CACNA1I: variants seen among roughly 807,000 people sequenced by gnomAD.
The protein encoded by CACNA1I is voltage-dependent T-type calcium channel subunit alpha-1I.
Under a neutral mutation model 201.6 loss-of-function variants are expected in CACNA1I, and 74 were observed. The observed-to-expected ratio is 0.37, with a 90% confidence interval of 0.30 to 0.45. The LOEUF is 0.45. Ranked by LOEUF, CACNA1I falls within the 20% of genes least tolerant of loss-of-function variation. The pLI is 1.00. For synonymous variants in CACNA1I, 1,431 were observed against 1,345.2 expected (o/e 1.06, Z -1.40); for missense variants, 2,346 against 3,138.1 (o/e 0.75, Z 6.03).
At chr22:39,583,313 C>T (rs1932640439) in intron 1 of CACNA1I, among the ~76,000 whole-genome samples, 1 of 151,892 alleles carries the variant, frequency 6.6e-6, no homozygotes, top group African/African-American at 2.4e-5. Flanking sequence ...TTCAACCAAC[C>T]ATACATTCAT....
rs1214875842 is a variant in CACNA1I, at chr22:39,670,172, T to G, written c.4329T>G (p.Ala1443=). 1 of 1,613,994 alleles carries G rather than the reference T, an allele frequency of 6.2e-7. No homozygotes were observed. The highest frequency in any genetic ancestry group is 2.2e-5 in the East Asian group (1 of 44,894). ...NFHKCRQHQE[A]EEARRREEKR... ...ACAAGTGCCGGCAGCACCAGGAGGC[T>G]GAAGAGGCACGGCGGCGTGAGGAGA... The change falls in exon 25 of 37, where the codon GCT becomes GCG. Residue 1443 remains alanine (A), a synonymous_variant. Coordinates refer to ENST00000402142, the MANE Select transcript of CACNA1I (RefSeq NM_021096.4).
chr22:39,663,697 G>GCCGC, intron 18 of CACNA1I, 21 bp from the exon 19 acceptor site: 342 of 1,591,966 alleles, frequency 2.1e-4, no homozygotes, highest in Non-Finnish European at 2.7e-4. Flanking sequence ...CGCTCAGGCA[G>GCCGC]CCCCCGCCCA....
At position 39,629,093 on chromosome 22, in the gene CACNA1I, A is replaced by C. The variant is rs1933979136; in HGVS notation, c.581-5472A>C. On this transcript the variant is annotated intron_variant, in intron 4 of 36. Transcript: ENST00000402142. This position sits in a 1 kb window ranked among gnomAD's most constrained non-coding sequence, Gnocchi z 4.8. ...CCAGGTTCTCTCAAGCAGAGGCTCT[A>C]GCCTAGGGGTCCCCAAAAAGGGTGA... 6.6e-6 allele frequency among the ~76,000 whole-genome samples: 1 copy of C among 152,066 alleles called. No individual in the cohort carries two copies. The highest frequency in any genetic ancestry group is 1.5e-5 in the Non-Finnish European group (1 of 67,974).
At chr22:39,624,617 C>T (rs1035544040) in intron 4 of CACNA1I, among the ~76,000 whole-genome samples, 10 of 152,178 alleles carry the variant, frequency 6.6e-5, no homozygotes, top group African/African-American at 2.2e-4. Context: ...TACTCACAGG[C>T]GATTCTGCGG....
At position 39,686,328 on chromosome 22, in the gene CACNA1I, G is replaced by C; in HGVS notation, c.6595G>C (p.Gly2199Arg). The change falls in exon 37 of 37, where the codon GGC becomes CGC. Residue 2199 changes from glycine to arginine, a missense_variant. Physicochemically the swap from Gly to Arg is moderately radical, Grantham distance 125. Around this residue, in one of 13 missense-constraint regions of CACNA1I, gnomAD observed 187 missense variants for 151.0 expected, o/e 1.24. Transcript: ENST00000402142. ...CCGGGCACCGCTGCCCATGGGCCTGGGCCCCTTGGCGCCCCCGCCGCAACC... is the reference window on the plus strand; with the variant it reads ...CCGGGCACCGCTGCCCATGGGCCTGCGCCCCTTGGCGCCCCCGCCGCAACC... ...PGRAPLPMGL[G>R]PLAPPPQPLP... The C allele has an allele frequency of 7.6e-7, 1 of 1,313,906 alleles. No homozygotes were observed. Among genetic ancestry groups the C allele is most frequent in the Non-Finnish European group, 9.7e-7 (1 of 1,029,884 alleles). 81.4% of individuals were successfully genotyped at this position (1,313,906 alleles called of 1,614,324 possible). A position where few individuals can be genotyped will look rare whatever the true frequency, so the allele number is the denominator to read the frequency against.
chr22:39,623,132 G>A lies in CACNA1I; in HGVS notation c.580+3725G>A, dbSNP rs373645232. ...GGGACGGGACACGGGCGGAGGCCTC[G>A]CTCTTGCCAGGCGGGCTTCTCTACA... On this transcript the variant is annotated intron_variant, in intron 4 of 36. Transcript: ENST00000402142. Among the ~76,000 whole-genome samples, 10 of 152,312 alleles carry A rather than the reference G, an allele frequency of 6.6e-5. No individual in the cohort carries two copies. The East Asian group carries it at 9.6e-4, about 15-fold the overall frequency.
intron 1 of CACNA1I, among the ~76,000 whole-genome samples, chr22:39,589,062 G>A (rs1601798072): frequency 6.6e-6 from 1 of 152,248 alleles, no homozygotes; most frequent in East Asian, 1.9e-4. Context: ...GGGTGTTTTA[G>A]CTGCATTCCT....
At position 39,649,400 on chromosome 22, in the gene CACNA1I, G is replaced by T; in HGVS notation, c.1568-101G>T. On this transcript the variant is annotated intron_variant, in intron 9 of 36. Coordinates refer to ENST00000402142, the MANE Select transcript of CACNA1I (RefSeq NM_021096.4). This position sits in a 1 kb window ranked among gnomAD's most constrained non-coding sequence, Gnocchi z 7.3. ...AGGCTGGGTCGGCTGGTTCCAGGCA[G>T]ACCTGTGGGCCTGGGAGCCAAGCGC... is the stretch of plus-strand genomic sequence containing the variant. The T allele has an allele frequency of 7.9e-7, 1 of 1,259,494 alleles. No individual in the cohort carries two copies. The highest frequency in any genetic ancestry group is 1.6e-5 in the South Asian group (1 of 62,852). The allele number at this position is 1,259,494 out of a possible 1,614,324, so 78.0% of individuals were successfully genotyped here.
Position 39,665,685 on chromosome 22 carries a change from G to C in CACNA1I, c.3978+61G>C, listed in dbSNP as rs1015287970. ...TGTGACTGGGGAAAAGGAAGTCTCA[G>C]ACAGCCAGGGGAGAGACTCCACATT... On this transcript the variant is annotated intron_variant, in intron 22 of 36. Transcript: ENST00000402142. The surrounding 1 kb of genome is among the most constrained non-coding windows in gnomAD (Gnocchi z 5.5). 3.1e-6 allele frequency: 5 copies of C among 1,590,730 alleles called. No individual in the cohort carries two copies. In the African/African-American group the frequency reaches 6.7e-5, roughly 21 times the overall value.
Position 39,665,802 on chromosome 22 carries a change from A to G in CACNA1I, c.3979-79A>G. 6.3e-7 allele frequency: 1 copy of G among 1,593,442 alleles called. No homozygotes were observed. ...TGACTGAGCACAAGACAGTCTGAGTAAACGCGATCGAGAGGCGAGTTCCTC... is the reference window on the plus strand; with the variant it reads ...TGACTGAGCACAAGACAGTCTGAGTGAACGCGATCGAGAGGCGAGTTCCTC... On this transcript the variant is annotated intron_variant, in intron 22 of 36. Coordinates refer to ENST00000402142, the MANE Select transcript of CACNA1I (RefSeq NM_021096.4). The surrounding 1 kb of genome is among the most constrained non-coding windows in gnomAD (Gnocchi z 5.5).
At position 39,684,682 on chromosome 22, in the gene CACNA1I, C is replaced by T. The variant is rs374870355; in HGVS notation, c.6027+184C>T. The T allele has an allele frequency of 8.8e-5, 37 of 420,594 alleles. No individual in the cohort carries two copies. The Middle Eastern group carries it at 2.2e-3, about 25-fold the overall frequency. 26.1% of individuals were successfully genotyped at this position (420,594 alleles called of 1,614,324 possible). ...ACTGGAGGGGGAGGTGGCACTGGGG[C>T]GGATGGAGTGGGCGGGGCTGGGTCC... is the stretch of plus-strand genomic sequence containing the variant. On this transcript the variant is annotated intron_variant, in intron 36 of 36. Coordinates refer to ENST00000402142, the MANE Select transcript of CACNA1I (RefSeq NM_021096.4). The surrounding 1 kb of genome is among the most constrained non-coding windows in gnomAD (Gnocchi z 4.6).
chr22:39,645,700 T>C (rs992007742), intron 7 of CACNA1I, among the ~76,000 whole-genome samples: 6 of 152,312 alleles, frequency 3.9e-5, no homozygotes, highest in East Asian at 3.9e-4. Context: ...GAAAGCTATC[T>C]GCTCAGGCTG....
intron 4 of CACNA1I, among the ~76,000 whole-genome samples, 159 bp downstream of exon 4, chr22:39,619,566 T>G (rs886470219): frequency 2.7e-5 from 4 of 150,230 alleles, no homozygotes; most frequent in Non-Finnish European, 5.9e-5. Flanking sequence ...GCGGTGTCTA[T>G]CTAGACAGAT....
At chr22:39,633,866 G>A (rs1447064628) in intron 4 of CACNA1I, among the ~76,000 whole-genome samples, 1 of 152,244 alleles carries the variant, frequency 6.6e-6, no homozygotes, top group Admixed American at 6.5e-5. Context: ...CTCTTCTGAA[G>A]TTGGCTCTGG....
intron 29 of CACNA1I, among the ~76,000 whole-genome samples, chr22:39,674,571 C>G (rs1351531102): frequency 6.6e-6 from 1 of 152,126 alleles, no homozygotes; most frequent in African/African-American, 2.4e-5. Flanking sequence ...TTGCTCTACC[C>G]GCACCCTGCG....
At chr22:39,640,493 A>G (rs1004195201) in intron 5 of CACNA1I, among the ~76,000 whole-genome samples, 3 of 152,198 alleles carry the variant, frequency 2.0e-5, no homozygotes, top group African/African-American at 7.2e-5. Flanking sequence ...GTCATCTGCT[A>G]GATCGGTAAA....
At chr22:39,628,082 C>T (rs1933949654) in intron 4 of CACNA1I, among the ~76,000 whole-genome samples, 1 of 152,184 alleles carries the variant, frequency 6.6e-6, no homozygotes, top group South Asian at 2.1e-4. Flanking sequence ...TCTCCCCCTC[C>T]CTCAGGTCGA....
At chr22:39,586,832 G>A (rs1932759093) in intron 1 of CACNA1I, among the ~76,000 whole-genome samples, 1 of 152,218 alleles carries the variant, frequency 6.6e-6, no homozygotes, top group Non-Finnish European at 1.5e-5. Context: ...TTCAATGGCT[G>A]CTTGGGAGAA....
In CACNA1I at chr22:39,664,886, C is replaced by G. The variant is rs764674799; in HGVS notation, c.3814C>G (p.Arg1272Gly). The G allele has an allele frequency of 2.5e-6, 4 of 1,612,914 alleles. No homozygotes were observed. Among genetic ancestry groups the G allele is most frequent in the Non-Finnish European group, 3.4e-6 (4 of 1,179,852 alleles). ...GGGAGCCAAGATCTTGGGGGTCCTC[C>G]GAGTCTTGCGGCTCCTGCGCACCCT... ...AGGAKILGVL[R>G]VLRLLRTLRP... is the part of the protein sequence containing the mutation. Residue 1272 changes from arginine (R) to glycine (G), a missense_variant, in exon 21 of 37, where the codon CGA (arginine) becomes GGA (glycine). Transcript: ENST00000402142.
Sources: allele counts gnomAD v4.1 joint callset (sites outside exome capture counted in the v4.1 genomes callset), GRCh38; gene constraint gnomAD v4.1.1; regional missense constraint gnomAD v4.1.1; non-coding constraint Gnocchi (gnomAD v3.1); transcripts MANE v1.5; gene names NCBI Gene and HGNC (gene_info 2026-07-23, HGNC 2026-07-21).